The following ZFAT variants were observed in gnomAD, a reference collection of about 807,000 sequenced individuals.
ZFAT encodes the protein zinc finger protein ZFAT.
In ZFAT, 64 loss-of-function variants were observed where a neutral mutation model predicts 117.7. That is an observed-to-expected ratio of 0.54 (90% CI 0.44 to 0.67). The LOEUF (loss-of-function observed/expected upper bound fraction) is 0.67. Ranked by LOEUF, ZFAT falls within the 30% of genes least tolerant of loss-of-function variation. ZFAT has a pLI of 0.00. For synonymous variants in ZFAT, 679 were observed against 615.0 expected (o/e 1.10, Z -1.54); for missense variants, 1,433 against 1,584.5 (o/e 0.90, Z 1.62).
the ZFAT span, among the ~76,000 whole-genome samples, chr8:134,829,527 A>G: frequency 6.6e-6 from 1 of 152,266 alleles, no homozygotes; most frequent in Admixed American, 6.5e-5. Context: ...TACATATGCC[A>G]AAAATCTGTT....
intron 10 of ZFAT, among the ~76,000 whole-genome samples, chr8:134,576,802 T>A (rs775029981): frequency 6.6e-6 from 1 of 152,204 alleles, no homozygotes; most frequent in Admixed American, 6.5e-5. Context: ...CTAATTTCCA[T>A]ACTCAACTCT....
chr8:134,795,950 T>G, the ZFAT span: 1 of 152,108 alleles, frequency 6.6e-6, no homozygotes, highest in Non-Finnish European at 1.5e-5. Context: ...GGGGTATTGA[T>G]TTCTGAACCT....
At chr8:134,514,802 T>C (rs112227390) in intron 13 of ZFAT, among the ~76,000 whole-genome samples, 21 of 152,350 alleles carry the variant, frequency 1.4e-4, no homozygotes, top group African/African-American at 2.9e-4. Context: ...TTATCAATCA[T>C]GGCAAGTCTT....
upstream of ZFAT, among the ~76,000 whole-genome samples, chr8:134,717,821 A>G (rs1178653593): frequency 6.6e-6 from 1 of 151,884 alleles, no homozygotes; most frequent in East Asian, 1.9e-4. Flanking sequence ...CAGACTCTCA[A>G]GTAATTGGGA....
intron 1 of ZFAT, among the ~76,000 whole-genome samples, chr8:134,709,111 C>A (rs917870509): frequency 1.3e-5 from 2 of 152,162 alleles, no homozygotes; most frequent in African/African-American, 4.8e-5. Context: ...TGGTGACACC[C>A]CATCTCTACA....
chr8:134,829,164 C>G, the ZFAT span, among the ~76,000 whole-genome samples: 350 of 152,320 alleles, frequency 2.3e-3, 2 homozygotes, highest in African/African-American at 8.1e-3. Flanking sequence ...CTTCAATGTA[C>G]TCCTTAAATC....
the ZFAT span, among the ~76,000 whole-genome samples, chr8:134,821,439 A>T: frequency 6.6e-6 from 1 of 152,172 alleles, no homozygotes; most frequent in Non-Finnish European, 1.5e-5. Context: ...GGAAGTAGTC[A>T]GTTCAGTTCT....
intron 3 of ZFAT, among the ~76,000 whole-genome samples, chr8:134,613,493 G>A (rs1311424790): frequency 6.6e-6 from 1 of 152,226 alleles, no homozygotes; most frequent in Non-Finnish European, 1.5e-5. Context: ...TGGTGGAGAA[G>A]AGAAGACTGC....
Position 134,619,243 on chromosome 8 carries a change from TATA to T in ZFAT, c.449-8591_449-8589del, listed in dbSNP as rs1171586424. 3.3e-5 allele frequency among the ~76,000 whole-genome samples: 5 copies of T among 151,812 alleles called. No homozygotes were observed. In the South Asian group the frequency reaches 6.2e-4, roughly 19 times the overall value. On this transcript the variant is annotated intron_variant, in intron 3 of 15. Transcript: ENST00000377838. ...AAACCATTTCACACAAAGCCTATTT[TATA>T]ATAATAATAATATAAATTTTATAGT...
chr8:134,743,729 G>T, the ZFAT span, among the ~76,000 whole-genome samples: 1 of 152,074 alleles, frequency 6.6e-6, no homozygotes, highest in African/African-American at 2.4e-5. Flanking sequence ...TTTGGAGATT[G>T]CTTTGCCCCA....
the ZFAT span, among the ~76,000 whole-genome samples, chr8:134,815,951 C>T: frequency 6.6e-6 from 1 of 152,200 alleles, no homozygotes; most frequent in African/African-American, 2.4e-5. Context: ...TCTGTCAGAA[C>T]AGCCAACATA....
intron 12 of ZFAT, among the ~76,000 whole-genome samples, chr8:134,531,215 G>C (rs1265568926): frequency 1.3e-5 from 2 of 152,186 alleles, no homozygotes; most frequent in Non-Finnish European, 2.9e-5. Context: ...TGGAAGCATA[G>C]GGCAATGATG....
rs1187282691 is a variant in ZFAT, at chr8:134,679,550, C to T, written c.20-21813G>A. Among the ~76,000 whole-genome samples the T allele has an allele frequency of 2.6e-5, 4 of 152,280 alleles. No homozygotes were observed. In the East Asian group the frequency reaches 7.7e-4, roughly 29 times the overall value. ...GTGGCGATTCCTCAGGGATCTAGAA[C>T]TAGAAATACCATTTGACCCAGCAAT... On this transcript the variant is annotated intron_variant, in intron 1 of 15. Transcript: ENST00000377838.
chr8:134,818,032 A>C, the ZFAT span, among the ~76,000 whole-genome samples: 3 of 152,350 alleles, frequency 2.0e-5, no homozygotes, highest in South Asian at 6.2e-4. Flanking sequence ...AGAAAACCTA[A>C]AACTACAGGG....
intron 9 of ZFAT, among the ~76,000 whole-genome samples, chr8:134,586,217 T>G (rs900179178): frequency 3.9e-5 from 6 of 152,218 alleles, no homozygotes; most frequent in African/African-American, 7.2e-5. Context: ...TCTTTATCAA[T>G]TCTGAAGTCG....
chr8:134,637,656 T>C lies in ZFAT; in HGVS notation c.253A>G (p.Ser85Gly), dbSNP rs751331986. The change falls in exon 3 of 16, where the codon AGC becomes GGC. Residue 85 changes from serine to glycine, a missense_variant. Physicochemically the swap from Ser to Gly is moderately conservative, Grantham distance 56 (BLOSUM62 0). This residue lies in a region of ZFAT where 436 missense variants were observed against 482.0 expected (regional missense o/e 0.90). Transcript: ENST00000377838. Reference sequence around the variant, plus strand: ...TTTTCTGCCAGCTCCTCTTCTGTGCTGGACTTCTTCGTGGACCCCTTAGGC... The same window carrying C: ...TTTTCTGCCAGCTCCTCTTCTGTGCCGGACTTCTTCGTGGACCCCTTAGGC... The part of the protein sequence containing the change: ...GRPKGSTKKS[S>G]TEEELAENIV... The C allele has an allele frequency of 3.1e-6, 5 of 1,614,088 alleles. No homozygotes were observed. Among genetic ancestry groups the C allele is most frequent in the Non-Finnish European group, 4.2e-6 (5 of 1,180,050 alleles).
chr8:134,784,976 C>T, the ZFAT span: 2 of 152,106 alleles, frequency 1.3e-5, no homozygotes, highest in Non-Finnish European at 2.9e-5. Flanking sequence ...AATTTCTGTA[C>T]CTAAATATGA....
At chr8:134,709,851 G>A (rs1813923794) in intron 1 of ZFAT, among the ~76,000 whole-genome samples, 1 of 152,154 alleles carries the variant, frequency 6.6e-6, no homozygotes, top group Non-Finnish European at 1.5e-5. Flanking sequence ...GAGCACTGCG[G>A]TAAGACGGCT....
At chr8:134,775,072 C>T in the ZFAT span, among the ~76,000 whole-genome samples, 382 of 152,268 alleles carry the variant, frequency 2.5e-3, no homozygotes, top group African/African-American at 8.9e-3. Flanking sequence ...GAGCTGAGAT[C>T]GTGCCACCGC....
Sources: gnomAD v4.1 joint callset for allele counts (sites outside exome capture counted in the v4.1 genomes callset) on GRCh38, gnomAD v4.1.1 for gene constraint, gnomAD v4.1.1 regional missense constraint, MANE v1.5 for transcripts, NCBI Gene and HGNC (gene_info 2026-07-23, HGNC 2026-07-21) for gene names.